The following LDB2 variants were observed in gnomAD, a reference collection of about 807,000 sequenced individuals.
The protein encoded by LDB2 is LIM domain-binding protein 2.
LDB2 carries 12 observed loss-of-function variants against 44.3 expected under a neutral mutation model. The observed-to-expected ratio is 0.27, with a 90% CI of 0.17 to 0.44. The LOEUF (loss-of-function observed/expected upper bound fraction) is 0.44. LDB2 is among the 20% of genes least tolerant of loss of function. The pLI, the probability that LDB2 is intolerant of heterozygous loss-of-function variation, is 1.00. For synonymous variants in LDB2, 164 were observed against 174.8 expected (o/e 0.94, Z 0.49); for missense variants, 344 against 473.5 (o/e 0.73, Z 2.54).
At chr4:16,748,117 G>A (rs565747898) in intron 2 of LDB2, among the ~76,000 whole-genome samples, 29 of 152,240 alleles carry the variant, frequency 1.9e-4, no homozygotes, top group African/African-American at 6.7e-4. Flanking sequence ...TTAAATGGGA[G>A]GGGCTTTATC....
chr4:16,798,845 T>G (rs1777224365), intron 1 of LDB2, among the ~76,000 whole-genome samples: 1 of 151,964 alleles, frequency 6.6e-6, no homozygotes, highest in African/African-American at 2.4e-5. Flanking sequence ...TGGGGTTTTC[T>G]TTTTATTTAT....
At chr4:16,516,420 C>T (rs1723754202) in intron 5 of LDB2, among the ~76,000 whole-genome samples, 2 of 152,174 alleles carry the variant, frequency 1.3e-5, no homozygotes, top group South Asian at 4.1e-4. Flanking sequence ...GAGCTTCCTC[C>T]TAAGTATCAA....
intron 2 of LDB2, among the ~76,000 whole-genome samples, chr4:16,701,107 A>T (rs1753336134): frequency 6.6e-6 from 1 of 152,232 alleles, no homozygotes. Flanking sequence ...TTGAAATAGA[A>T]TTCAAACCTT....
intron 5 of LDB2, among the ~76,000 whole-genome samples, chr4:16,520,343 A>T (rs1230932248): frequency 5.9e-5 from 9 of 152,164 alleles, no homozygotes; most frequent in Non-Finnish European, 1.3e-4. Flanking sequence ...AGAAGCAGAT[A>T]AGAATGAATA....
chr4:16,532,123 C>A (rs115349990), intron 5 of LDB2, among the ~76,000 whole-genome samples: 1,612 of 152,236 alleles, frequency 0.011, 20 homozygotes, highest in African/African-American at 0.037. Context: ...CTTCTCTTTC[C>A]ACTTACTCCC....
At chr4:16,655,137 C>T (rs1375429610) in intron 2 of LDB2, among the ~76,000 whole-genome samples, 1 of 152,108 alleles carries the variant, frequency 6.6e-6, no homozygotes, top group Non-Finnish European at 1.5e-5. Flanking sequence ...AAAATAGATC[C>T]ATATTTTAAT....
chr4:16,614,902 C>G (rs1182768647), intron 2 of LDB2, among the ~76,000 whole-genome samples: 5 of 150,124 alleles, frequency 3.3e-5, no homozygotes, highest in African/African-American at 1.2e-4. Flanking sequence ...AACCCCGTCT[C>G]TACTAAAAAT....
chr4:16,556,346 G>A (rs1241515240), intron 5 of LDB2, among the ~76,000 whole-genome samples: 1 of 152,146 alleles, frequency 6.6e-6, no homozygotes, highest in South Asian at 2.1e-4. Context: ...CTGGCACATA[G>A]TAAGTACTCA....
At chr4:16,869,480 T>C (rs529959887) in intron 1 of LDB2, among the ~76,000 whole-genome samples, 1 of 152,272 alleles carries the variant, frequency 6.6e-6, no homozygotes, top group South Asian at 2.1e-4. Context: ...ATATGAACAC[T>C]ATGGAACAGT....
At chr4:16,866,924 A>T (rs1714901512) in intron 1 of LDB2, among the ~76,000 whole-genome samples, 1 of 151,874 alleles carries the variant, frequency 6.6e-6, no homozygotes, top group South Asian at 2.1e-4. Flanking sequence ...AGATATTCCC[A>T]TATCAATGGG....
Position 16,759,479 on chromosome 4 carries a change from G to A in LDB2, c.133-219C>T, listed in dbSNP as rs146453104. ...TTCAATAAGTGAGCTCAAACCAATC[G>A]AATAAAAATTAATTCTCCAGGATAT... On this transcript the variant is annotated intron_variant, in intron 1 of 7. Coordinates refer to ENST00000304523, the MANE Select transcript of LDB2 (RefSeq NM_001290.5). The A allele has an allele frequency of 8.8e-4, 419 of 476,008 alleles. 2 individuals are homozygous for A. The East Asian group carries it at 0.011, about 13-fold the overall frequency. The allele number at this position is 476,008 out of a possible 1,614,324, so 29.5% of individuals were successfully genotyped here. A position where few individuals can be genotyped will look rare whatever the true frequency, so the allele number is the denominator to read the frequency against.
At position 16,809,728 on chromosome 4, in the gene LDB2, C is replaced by CT. The variant is rs1779437641; in HGVS notation, c.133-50469_133-50468insA. On this transcript the variant is annotated intron_variant, in intron 1 of 7. Coordinates refer to ENST00000304523, the MANE Select transcript of LDB2 (RefSeq NM_001290.5). Reference sequence around the variant, plus strand: ...TTCTGCTGGCCTGTACAAAACAAAACAAAACAAACAAACAAAAAAAAAACG... The same window carrying CT: ...TTCTGCTGGCCTGTACAAAACAAAACTAAAACAAACAAACAAAAAAAAAACG... Among the ~76,000 whole-genome samples the CT allele has an allele frequency of 3.3e-4, 6 of 18,200 alleles. No individual in the cohort carries two copies. In the South Asian group the frequency reaches 0.014, roughly 43 times the overall value. The allele number at this position is 18,200 out of a possible 152,430, so 11.9% of individuals were successfully genotyped here.
intron 2 of LDB2, among the ~76,000 whole-genome samples, chr4:16,604,155 C>T (rs1723294426): frequency 6.6e-6 from 1 of 152,148 alleles, no homozygotes; most frequent in African/African-American, 2.4e-5. Context: ...GCCTGGCCAA[C>T]AAATATGTTG....
At chr4:16,589,561 G>A (rs1370209627) in intron 3 of LDB2, among the ~76,000 whole-genome samples, 1 of 152,146 alleles carries the variant, frequency 6.6e-6, no homozygotes, top group Non-Finnish European at 1.5e-5. Flanking sequence ...CAGTGACAGA[G>A]TAGCATTTTA....
At chr4:16,884,898 A>G (rs910284430) in intron 1 of LDB2, among the ~76,000 whole-genome samples, 1 of 151,874 alleles carries the variant, frequency 6.6e-6, no homozygotes, top group Non-Finnish European at 1.5e-5. Flanking sequence ...GTACAGATGG[A>G]TAAATTATCC....
intron 2 of LDB2, among the ~76,000 whole-genome samples, chr4:16,698,578 C>T (rs1444286522): frequency 1.3e-5 from 2 of 151,918 alleles, no homozygotes; most frequent in Admixed American, 1.3e-4. Context: ...TTTTAATATC[C>T]TTTGCCCTTT....
intron 1 of LDB2, among the ~76,000 whole-genome samples, chr4:16,863,046 A>G (rs963973126): frequency 6.6e-6 from 1 of 152,182 alleles, no homozygotes; most frequent in African/African-American, 2.4e-5. Context: ...CACGGGCTCC[A>G]GCCAGCCAAG....
intron 1 of LDB2, among the ~76,000 whole-genome samples, chr4:16,890,361 C>T (rs915986610): frequency 6.6e-5 from 10 of 152,256 alleles, no homozygotes; most frequent in South Asian, 4.2e-4. Flanking sequence ...AGGGGGGGCA[C>T]GGAGTGCTGT....
chr4:16,849,869 T>A (rs1489389389), intron 1 of LDB2, among the ~76,000 whole-genome samples: 1 of 152,142 alleles, frequency 6.6e-6, no homozygotes, highest in Non-Finnish European at 1.5e-5. Flanking sequence ...TTACATTTCA[T>A]CTCTTCCAGC....
Sources: allele counts gnomAD v4.1 joint callset (sites outside exome capture counted in the v4.1 genomes callset), GRCh38; gene constraint gnomAD v4.1.1; transcripts MANE v1.5; gene names NCBI Gene and HGNC (gene_info 2026-07-23, HGNC 2026-07-21).